Variants in PPP4R2 observed in about 807,000 individuals in gnomAD.
PPP4R2 encodes the protein protein phosphatase 4 regulatory subunit 2.
In PPP4R2, 13 loss-of-function variants were observed where a neutral mutation model predicts 47.2. The ratio of observed to expected loss-of-function variants is 0.28; its 90% CI spans 0.18 to 0.44. The LOEUF is 0.44. Ranked by LOEUF, PPP4R2 falls within the 20% of genes least tolerant of loss-of-function variation. The pLI is 1.00. For synonymous variants in PPP4R2, 151 were observed against 163.3 expected, an observed-to-expected ratio of 0.92 and a Z score of 0.57; for missense variants, 421 against 491.2, an observed-to-expected ratio of 0.86 and a Z score of 1.35.
intron 3 of PPP4R2, among the ~76,000 whole-genome samples, chr3:73,052,798 T>A (rs1010096566): frequency 6.6e-6 from 1 of 152,206 alleles, no homozygotes; most frequent in Non-Finnish European, 1.5e-5. Context: ...ACTAAAATAG[T>A]GTTCCTATAT....
intron 2 of PPP4R2, among the ~76,000 whole-genome samples, chr3:73,033,510 ATTGC>A (rs1157755101): frequency 6.6e-6 from 1 of 152,132 alleles, no homozygotes; most frequent in Non-Finnish European, 1.5e-5. Flanking sequence ...TTATTTATGG[ATTGC>A]TTGGTTGAGG....
intron 2 of PPP4R2, among the ~76,000 whole-genome samples, chr3:73,032,780 A>G (rs939273815): frequency 6.6e-6 from 1 of 152,192 alleles, no homozygotes; most frequent in African/African-American, 2.4e-5. Context: ...GTATAATTAC[A>G]TTGAAATTTT....
intron 2 of PPP4R2, among the ~76,000 whole-genome samples, chr3:73,040,741 G>T (rs1575869846): frequency 6.6e-6 from 1 of 152,070 alleles, no homozygotes; most frequent in African/African-American, 2.4e-5. Context: ...TTGAACTGCT[G>T]ATCTCAGGTG....
At chr3:73,038,258 G>T (rs1702304033) in intron 2 of PPP4R2, among the ~76,000 whole-genome samples, 2 of 152,202 alleles carry the variant, frequency 1.3e-5, no homozygotes, top group Admixed American at 1.3e-4. Flanking sequence ...CTCTTTGTTG[G>T]CTGTGGTCAT....
chr3:73,063,278 T>C (rs1212316562), intron 5 of PPP4R2: 2 of 252,112 alleles, frequency 7.9e-6, no homozygotes, highest in African/African-American at 2.8e-5. Context: ...GGTGGAATCA[T>C]AGATCCATGC....
In PPP4R2 at chr3:73,010,658, G is replaced by C. The variant is rs966542249; in HGVS notation, c.116+12500G>C. Among the ~76,000 whole-genome samples, 3 of 151,616 alleles carry C rather than the reference G, an allele frequency of 2.0e-5. No individual in the cohort carries two copies. In the East Asian group the frequency reaches 5.8e-4, roughly 29 times the overall value. ...ACTGCAGCCTCTGCCTCCCGGTTTC[G>C]AGCGATTCTCTTGCCTCAGCCTCCT... On this transcript the variant is annotated intron_variant, in intron 2 of 8. Coordinates refer to ENST00000356692, the MANE Select transcript of PPP4R2 (RefSeq NM_174907.4).
rs1701775473 is a variant in PPP4R2, at chr3:73,013,975, T to C, written c.116+15817T>C. ...GATATCTTACCAAAACACAAAAATTTACCTCGTTGTCTTCATGGGCTGCAT... is the reference window on the plus strand; with the variant it reads ...GATATCTTACCAAAACACAAAAATTCACCTCGTTGTCTTCATGGGCTGCAT... On this transcript the variant is annotated intron_variant, in intron 2 of 8. Transcript: ENST00000356692. Among the ~76,000 whole-genome samples the C allele has an allele frequency of 2.8e-5, 2 of 70,902 alleles. 1 individual carries two copies. Among genetic ancestry groups the C allele is most frequent in the Non-Finnish European group, 8.0e-5 (2 of 24,952 alleles). 46.5% of individuals were successfully genotyped at this position (70,902 alleles called of 152,430 possible).
chr3:73,062,468 G>C, intron 5 of PPP4R2: 1 of 1,612,926 alleles, frequency 6.2e-7, no homozygotes, highest in Non-Finnish European at 8.5e-7. Context: ...TAGTATTCTT[G>C]TGTTTCATAT....
At chr3:73,060,891 C>T in intron 4 of PPP4R2, 132 bp from the exon 5 acceptor site, 3 of 528,468 alleles carry the variant, frequency 5.7e-6, no homozygotes, top group South Asian at 3.1e-5. Flanking sequence ...CATTTTTAAC[C>T]ATTTTCCTTT....
chr3:73,037,535 G>C (rs1255258317), intron 2 of PPP4R2, among the ~76,000 whole-genome samples: 3 of 152,142 alleles, frequency 2.0e-5, no homozygotes, highest in African/African-American at 7.2e-5. Flanking sequence ...AGTGAGGATT[G>C]CTGCTAGATA....
chr3:73,048,421 A>AT (rs1027408959), intron 3 of PPP4R2, among the ~76,000 whole-genome samples: 5 of 151,452 alleles, frequency 3.3e-5, no homozygotes, highest in African/African-American at 1.2e-4. Context: ...TGCTCGGCTA[A>AT]TTTTTTTATT....
Position 73,065,519 on chromosome 3 carries a change from G to A in PPP4R2, c.1051G>A (p.Val351Met), listed in dbSNP as rs749065670. ...AAATAATCAAATGGAGGAATCTGATGTGTCTCAAGCTGAGAAAGATTTGCT... is the reference window on the plus strand; with the variant it reads ...AAATAATCAAATGGAGGAATCTGATATGTCTCAAGCTGAGAAAGATTTGCT... ...EENNQMEESDVSQAEKDLLHS... is the reference protein window; with the variant it reads ...EENNQMEESDMSQAEKDLLHS... The change falls in exon 9 of 9, where the codon GTG (valine) becomes ATG (methionine). Residue 351 changes from valine to methionine, a missense_variant. Physicochemically the swap from Val to Met is conservative, Grantham distance 21. Coordinates refer to ENST00000356692, the MANE Select transcript of PPP4R2 (RefSeq NM_174907.4). The A allele has an allele frequency of 5.6e-6, 9 of 1,612,000 alleles. No homozygotes were observed. The South Asian group carries it at 7.7e-5, about 14-fold the overall frequency.
intron 2 of PPP4R2, among the ~76,000 whole-genome samples, chr3:73,033,638 A>T (rs1430081359): frequency 6.6e-6 from 1 of 152,160 alleles, no homozygotes; most frequent in East Asian, 1.9e-4. Context: ...TCATTTCCAG[A>T]ACCTTTTTAT....
chr3:73,017,641 A>G (rs2107242187), intron 2 of PPP4R2, among the ~76,000 whole-genome samples: 1 of 152,324 alleles, frequency 6.6e-6, no homozygotes, highest in Non-Finnish European at 1.5e-5. Flanking sequence ...TTATGTATGC[A>G]TCATATATAT....
chr3:73,005,950 C>G (rs1221971360), intron 2 of PPP4R2, among the ~76,000 whole-genome samples: 1 of 152,012 alleles, frequency 6.6e-6, no homozygotes, highest in Non-Finnish European at 1.5e-5. Flanking sequence ...TCACAACAAT[C>G]AAGATTGTGA....
intron 3 of PPP4R2, among the ~76,000 whole-genome samples, chr3:73,050,978 G>C (rs531484085): frequency 3.9e-5 from 6 of 152,146 alleles, no homozygotes; most frequent in South Asian, 2.1e-4. Flanking sequence ...GCAATGGAAC[G>C]ATCTCGGCTC....
chr3:73,044,244 T>G (rs1575873034), intron 2 of PPP4R2, among the ~76,000 whole-genome samples: 1 of 134,178 alleles, frequency 7.5e-6, no homozygotes, highest in Non-Finnish European at 1.6e-5. Flanking sequence ...TGTTGTTGTT[T>G]TTGGAGCAAC....
Position 73,065,699 on chromosome 3 carries a change from G to A in PPP4R2, c.1231G>A (p.Asp411Asn), listed in dbSNP as rs369142295. 9.3e-6 allele frequency: 15 copies of A among 1,605,682 alleles called. No homozygotes were observed. The highest frequency in any genetic ancestry group is 6.7e-5 in the Admixed American group (4 of 59,566). Residue 411 changes from aspartate to asparagine, a missense_variant, in exon 9 of 9, where the codon GAT becomes AAT. Around this residue, in one of 2 missense-constraint regions of PPP4R2, gnomAD observed 317 missense variants for 287.5 expected, o/e 1.10. Coordinates refer to ENST00000356692, the MANE Select transcript of PPP4R2 (RefSeq NM_174907.4). ...ENDDEATEVT[D>N]EPMEQD ...TGATGACGAAGCCACAGAAGTCACC[G>A]ATGAACCAATGGAACAAGACTAACT...
rs1702978251 is a variant in PPP4R2, at chr3:73,065,636, A to G, written c.1168A>G (p.Lys390Glu). The G allele has an allele frequency of 1.2e-6, 2 of 1,611,440 alleles. No individual in the cohort carries two copies. The highest frequency in any genetic ancestry group is 1.6e-4 in the Middle Eastern group (1 of 6,066). ...AGAATTAGTAGGATCCAATTCCAGT[A>G]AAACTGGAGAGATTCTTTCAGAATC... ...TEELVGSNSSKTGEILSESSM... is the reference protein window; with the variant it reads ...TEELVGSNSSETGEILSESSM... Residue 390 changes from lysine (K) to glutamate (E), a missense_variant, in exon 9 of 9, where the codon AAA becomes GAA. Lys to Glu is a moderately conservative substitution (Grantham distance 56). Coordinates refer to ENST00000356692, the MANE Select transcript of PPP4R2 (RefSeq NM_174907.4).
Sources: allele counts gnomAD v4.1 joint callset (sites outside exome capture counted in the v4.1 genomes callset), GRCh38; gene constraint gnomAD v4.1.1; regional missense constraint gnomAD v4.1.1; transcripts MANE v1.5; gene names NCBI Gene and HGNC (gene_info 2026-07-23, HGNC 2026-07-21).